The following FAM168A variants were observed in gnomAD, a reference collection of about 807,000 sequenced individuals.
The protein encoded by FAM168A is family with sequence similarity 168 member A, also known as protein FAM168A.
In FAM168A, 3 loss-of-function variants were observed where a neutral mutation model predicts 28.5. The ratio of observed to expected loss-of-function variants is 0.11; its 90% confidence interval spans 0.05 to 0.27. FAM168A has a LOEUF of 0.27. FAM168A is among the 10% of genes least tolerant of loss of function. The pLI, the probability that FAM168A is intolerant of heterozygous loss-of-function variation, is 1.00. For synonymous variants in FAM168A, 122 were observed against 124.2 expected (o/e 0.98, Z 0.12); for missense variants, 222 against 311.5 (o/e 0.71, Z 2.16).
chr11:73,517,540 G>T (rs1459846066), intron 1 of FAM168A, among the ~76,000 whole-genome samples: 1 of 152,084 alleles, frequency 6.6e-6, no homozygotes, highest in African/African-American at 2.4e-5. Context: ...GTTTCGGCGG[G>T]GGCGGGGGGT....
At chr11:73,498,808 C>T (rs975228983) in intron 1 of FAM168A, among the ~76,000 whole-genome samples, 4 of 152,174 alleles carry the variant, frequency 2.6e-5, no homozygotes, top group Non-Finnish European at 5.9e-5. Context: ...GTGAGAGGGG[C>T]TTCCCTGCAG....
intron 2 of FAM168A, among the ~76,000 whole-genome samples, chr11:73,442,147 A>G (rs1867207813): frequency 7.4e-6 from 1 of 135,240 alleles, no homozygotes; most frequent in East Asian, 2.1e-4. Flanking sequence ...TTTTTTTGAG[A>G]CGGAGTCTCA....
chr11:73,477,021 C>G (rs1867897596), intron 1 of FAM168A, among the ~76,000 whole-genome samples: 2 of 151,818 alleles, frequency 1.3e-5, no homozygotes, highest in Admixed American at 1.3e-4. Context: ...GAATACTATG[C>G]CATTAAAAAA....
intron 1 of FAM168A, among the ~76,000 whole-genome samples, chr11:73,480,384 T>TTC (rs57949673): frequency 5.6e-4 from 84 of 151,288 alleles, no homozygotes; most frequent in African/African-American, 2.0e-3. Context: ...AATAGAAAAT[T>TTC]TCTCTCTCTC....
intron 1 of FAM168A, among the ~76,000 whole-genome samples, chr11:73,504,486 T>TA (rs1590820523): frequency 6.6e-6 from 1 of 152,060 alleles, no homozygotes; most frequent in Non-Finnish European, 1.5e-5. Context: ...TGGCAGTTAT[T>TA]AAAAAGTCAG....
At chr11:73,506,626 T>C (rs1472472412) in intron 1 of FAM168A, among the ~76,000 whole-genome samples, 2 of 152,142 alleles carry the variant, frequency 1.3e-5, no homozygotes, top group South Asian at 2.1e-4. Flanking sequence ...CCCCCATCCA[T>C]TAGAAGCAGA....
At chr11:73,432,177 G>A (rs1025750153) in intron 2 of FAM168A, among the ~76,000 whole-genome samples, 5 of 152,170 alleles carry the variant, frequency 3.3e-5, no homozygotes, top group Admixed American at 6.5e-5. Flanking sequence ...TTCATCTGTT[G>A]AGGGACGCCC....
In FAM168A at chr11:73,546,708, G is replaced by A. The variant is rs1387033808; in HGVS notation, c.-19+51215C>T. On this transcript the variant is annotated intron_variant, in intron 1 of 7. Coordinates refer to ENST00000356467, the MANE Select transcript of FAM168A (RefSeq NM_015159.3). Reference sequence around the variant, plus strand: ...GATCGTGCCATTGCACTCTAGCCTGGGCAACAAGAGCGAAACTCCATCTCA... The same window carrying A: ...GATCGTGCCATTGCACTCTAGCCTGAGCAACAAGAGCGAAACTCCATCTCA... 2.0e-5 allele frequency among the ~76,000 whole-genome samples: 3 copies of A among 149,752 alleles called. No individual in the cohort carries two copies. The East Asian group carries it at 5.9e-4, about 29-fold the overall frequency.
chr11:73,426,703 C>CTGTGTGTG (rs34499254), intron 3 of FAM168A, among the ~76,000 whole-genome samples: 2,450 of 144,266 alleles, frequency 0.017, 59 homozygotes, highest in African/African-American at 0.049. Context: ...CCAAAATATG[C>CTGTGTGTG]TGTGTGTGTG....
Position 73,406,458 on chromosome 11 carries a change from G to A in FAM168A, c.*305C>T, listed in dbSNP as rs1866507484. ...TTGCCTCTAGACTGGGATCCCCAGG[G>A]ACAGGACACTTAGGGAAGAGCAGAG... On this transcript the variant is annotated 3_prime_UTR_variant, in exon 8 of 8. Transcript: ENST00000356467. 6.6e-6 allele frequency: 1 copy of A among 152,228 alleles called. No homozygotes were observed. The highest frequency in any genetic ancestry group is 1.5e-5 in the Non-Finnish European group (1 of 68,100). The allele number at this position is 152,228 out of a possible 1,614,324, so 9.4% of individuals were successfully genotyped here.
chr11:73,578,179 C>T (rs1016145103), intron 1 of FAM168A, among the ~76,000 whole-genome samples: 4 of 152,144 alleles, frequency 2.6e-5, no homozygotes, highest in Admixed American at 6.6e-5. Flanking sequence ...GTTTCACAGA[C>T]GATCAAACTA....
rs1866388448 is a variant in FAM168A, at chr11:73,400,668, G to T, written c.*6095C>A. 6.6e-6 allele frequency: 1 copy of T among 152,292 alleles called. No homozygotes were observed. Among genetic ancestry groups the T allele is most frequent in the East Asian group, 1.9e-4 (1 of 5,192 alleles). 9.4% of individuals were successfully genotyped at this position (152,292 alleles called of 1,614,324 possible). On this transcript the variant is annotated 3_prime_UTR_variant, in exon 8 of 8. Coordinates refer to ENST00000356467, the MANE Select transcript of FAM168A (RefSeq NM_015159.3). Reference sequence around the variant, plus strand: ...AGATCAGCTGTAAGATGTACCATAGGTTTTTCTTGACTACTGAGAACAAAT... The same window carrying T: ...AGATCAGCTGTAAGATGTACCATAGTTTTTTCTTGACTACTGAGAACAAAT...
At chr11:73,574,934 TA>T (rs923565190) in intron 1 of FAM168A, among the ~76,000 whole-genome samples, 4 of 152,006 alleles carry the variant, frequency 2.6e-5, no homozygotes, top group Non-Finnish European at 5.9e-5. Flanking sequence ...GATACTCTAC[TA>T]GCAGTAGCAT....
intron 1 of FAM168A, among the ~76,000 whole-genome samples, chr11:73,482,303 G>T (rs1222347013): frequency 6.8e-6 from 1 of 146,014 alleles, no homozygotes; most frequent in Non-Finnish European, 1.5e-5. Context: ...CAAAACCCAA[G>T]CCTCCTGACT....
At chr11:73,424,424 G>A (rs953021283) in intron 3 of FAM168A, among the ~76,000 whole-genome samples, 1 of 152,094 alleles carries the variant, frequency 6.6e-6, no homozygotes, top group Non-Finnish European at 1.5e-5. Flanking sequence ...AGAAGTTCCC[G>A]TGGTGCCTTG....
chr11:73,514,224 C>G (rs113219838), intron 1 of FAM168A, among the ~76,000 whole-genome samples: 1 of 151,374 alleles, frequency 6.6e-6, no homozygotes, highest in African/African-American at 2.4e-5. Flanking sequence ...AGAGTGAGAC[C>G]CTCTCTCAAA....
chr11:73,458,915 T>C (rs1446492080), intron 2 of FAM168A, among the ~76,000 whole-genome samples: 3 of 152,216 alleles, frequency 2.0e-5, no homozygotes, highest in Non-Finnish European at 4.4e-5. Context: ...CAGCCTCTAA[T>C]AGAAATTTCT....
intron 1 of FAM168A, among the ~76,000 whole-genome samples, chr11:73,593,295 G>T (rs1460651917): frequency 6.6e-6 from 1 of 152,032 alleles, no homozygotes; most frequent in African/African-American, 2.4e-5. Flanking sequence ...CCTTCAATTT[G>T]TTATTCTTTA....
intron 3 of FAM168A, among the ~76,000 whole-genome samples, chr11:73,428,950 T>C (rs1186431752): frequency 6.6e-6 from 1 of 152,184 alleles, no homozygotes; most frequent in Non-Finnish European, 1.5e-5. Context: ...GACACATCTA[T>C]GTAAGCACCT....
Sources: allele counts gnomAD v4.1 joint callset (sites outside exome capture counted in the v4.1 genomes callset), GRCh38; gene constraint gnomAD v4.1.1; transcripts MANE v1.5; gene names NCBI Gene and HGNC (gene_info 2026-07-23, HGNC 2026-07-21).